The following PPP2R5E variants were observed in gnomAD, a reference collection of about 807,000 sequenced individuals.
PPP2R5E encodes serine/threonine-protein phosphatase 2A 56 kDa regulatory subunit epsilon isoform.
In PPP2R5E, 4 loss-of-function variants were observed where a neutral mutation model predicts 65.3. The ratio of observed to expected loss-of-function variants is 0.06; its 90% CI spans 0.03 to 0.14. The LOEUF is 0.14. Ranked by LOEUF, PPP2R5E falls within the 10% of genes least tolerant of loss-of-function variation. The pLI, the probability that PPP2R5E is intolerant of heterozygous loss-of-function variation, is 1.00. For missense variants in PPP2R5E, 274 were observed against 556.1 expected (o/e 0.49, Z 5.10); for synonymous variants, 183 against 187.4 (o/e 0.98, Z 0.19).
In PPP2R5E at chr14:63,391,991, T is replaced by C; in HGVS notation, c.884A>G (p.Asp295Gly). Reference sequence around the variant, plus strand: ...ACTTACTGGTTCTGTGAGTGAAGGATCTTTCTCCAGAAACTGTACTATACA... The same window carrying C: ...ACTTACTGGTTCTGTGAGTGAAGGACCTTTCTCCAGAAACTGTACTATACA... Reference protein sequence around the residue: ...AYCIVQFLEKDPSLTEPVIRG... With the variant: ...AYCIVQFLEKGPSLTEPVIRG... Residue 295 changes from aspartate to glycine, a missense_variant, in exon 9 of 14, where the codon GAT becomes GGT. Asp to Gly is a moderately conservative substitution (Grantham distance 94). Transcript: ENST00000337537. The C allele has an allele frequency of 1.2e-6, 2 of 1,611,014 alleles. No individual in the cohort carries two copies. Among genetic ancestry groups the C allele is most frequent in the Non-Finnish European group, 1.7e-6 (2 of 1,179,062 alleles).
chr14:63,439,887 G>A (rs141008736), intron 3 of PPP2R5E, among the ~76,000 whole-genome samples: 137 of 152,304 alleles, frequency 9.0e-4, no homozygotes, highest in Middle Eastern at 3.4e-3. Context: ...CCTGCAGGGA[G>A]AGAAGGCACA....
At chr14:63,377,080 C>T (rs1038413261) in intron 13 of PPP2R5E, among the ~76,000 whole-genome samples, 3 of 147,014 alleles carry the variant, frequency 2.0e-5, no homozygotes, top group African/African-American at 5.1e-5. Flanking sequence ...TTGTGGTGGA[C>T]GGAGATTGCA....
chr14:63,521,557 G>A (rs986586573), intron 2 of PPP2R5E, among the ~76,000 whole-genome samples: 18 of 152,138 alleles, frequency 1.2e-4, no homozygotes, highest in Non-Finnish European at 2.6e-4. Flanking sequence ...ATCCCACTCA[G>A]GAGGCTGAGG....
chr14:63,393,360 A>G (rs919535929), intron 8 of PPP2R5E, among the ~76,000 whole-genome samples: 1 of 152,188 alleles, frequency 6.6e-6, no homozygotes, highest in African/African-American at 2.4e-5. Flanking sequence ...AAAAATGCAT[A>G]CATTTTTATT....
intron 2 of PPP2R5E, among the ~76,000 whole-genome samples, chr14:63,525,046 T>C (rs1893125733): frequency 6.6e-6 from 1 of 152,252 alleles, no homozygotes; most frequent in African/African-American, 2.4e-5. Flanking sequence ...TGGCTCTCTC[T>C]GCACGAGTGG....
At chr14:63,395,346 A>G in intron 6 of PPP2R5E, 61 bp from the exon 7 acceptor site, 1 of 1,149,160 alleles carries the variant, frequency 8.7e-7, no homozygotes. Flanking sequence ...GGAAGGGATA[A>G]AAAGAGGAGG....
chr14:63,530,385 A>G lies in PPP2R5E; in HGVS notation c.157+9144T>C, dbSNP rs867868633. On this transcript the variant is annotated intron_variant, in intron 2 of 13. Transcript: ENST00000337537. ...GTAGCTGGGACTACAGGCGCGTGCC[A>G]CCATGCCTGGCTAATTTTTGTATTT... is the stretch of plus-strand genomic sequence containing the variant. Among the ~76,000 whole-genome samples, 42 of 151,828 alleles carry G rather than the reference A, an allele frequency of 2.8e-4. 1 individual carries two copies. Among genetic ancestry groups the G allele is most frequent in the African/African-American group, 9.9e-4 (41 of 41,402 alleles).
chr14:63,528,417 A>C (rs1893270282), intron 2 of PPP2R5E, among the ~76,000 whole-genome samples: 5 of 152,216 alleles, frequency 3.3e-5, no homozygotes, highest in Admixed American at 3.3e-4. Context: ...TTAACGTCTT[A>C]ACTTTTGTGA....
At chr14:63,422,897 CA>C (rs1449579635) in intron 3 of PPP2R5E, among the ~76,000 whole-genome samples, 2 of 152,072 alleles carry the variant, frequency 1.3e-5, no homozygotes, top group Non-Finnish European at 2.9e-5. Flanking sequence ...AGTTGGTTTA[CA>C]AAATAGTAAT....
At chr14:63,532,629 T>C (rs1356217005) in intron 2 of PPP2R5E, among the ~76,000 whole-genome samples, 1 of 152,230 alleles carries the variant, frequency 6.6e-6, no homozygotes, top group Non-Finnish European at 1.5e-5. Context: ...TAGTATTTAC[T>C]GAATGTGGCA....
chr14:63,515,612 C>T (rs1417684451), intron 2 of PPP2R5E, among the ~76,000 whole-genome samples: 1 of 152,086 alleles, frequency 6.6e-6, no homozygotes, highest in Non-Finnish European at 1.5e-5. Context: ...CCTCCGCCTC[C>T]CGGATTCAAA....
rs560657696 is a variant in PPP2R5E, at chr14:63,460,732, C to CCT, written c.158-6848_158-6847insAG. On this transcript the variant is annotated intron_variant, in intron 2 of 13. Coordinates refer to ENST00000337537, the MANE Select transcript of PPP2R5E (RefSeq NM_006246.5). ...CCAGTTTCCCTTTCCCAAAAGCTAA[C>CCT]AATATGCTCTCCAATTTACAAATAA... 1.6e-3 allele frequency among the ~76,000 whole-genome samples: 242 copies of CCT among 152,232 alleles called. 9 individuals are homozygous for CCT. In the South Asian group the frequency reaches 0.049, roughly 31 times the overall value.
chr14:63,487,707 C>T (rs1388166080), intron 2 of PPP2R5E, among the ~76,000 whole-genome samples: 1 of 152,168 alleles, frequency 6.6e-6, no homozygotes, highest in East Asian at 1.9e-4. Context: ...TAATCTCAAT[C>T]GTGTATGCTC....
At chr14:63,540,130 TAAAA>T (rs749576391) in intron 1 of PPP2R5E, among the ~76,000 whole-genome samples, 1 of 117,100 alleles carries the variant, frequency 8.5e-6, no homozygotes. Flanking sequence ...TTCCGTCCTT[TAAAA>T]AAAAAAAAAA....
intron 2 of PPP2R5E, among the ~76,000 whole-genome samples, chr14:63,523,083 G>A (rs1416547947): frequency 6.7e-6 from 1 of 149,434 alleles, no homozygotes; most frequent in African/African-American, 2.5e-5. Context: ...CGGGAGGGAG[G>A]TGGGGGGGTC....
chr14:63,386,875 G>A (rs1311150492), intron 11 of PPP2R5E, among the ~76,000 whole-genome samples: 1 of 150,328 alleles, frequency 6.7e-6, no homozygotes, highest in East Asian at 2.0e-4. Context: ...AGTGAACTGT[G>A]ACTGTACCAC....
chr14:63,435,374 A>G (rs1251671217), intron 3 of PPP2R5E, among the ~76,000 whole-genome samples: 13 of 151,588 alleles, frequency 8.6e-5, no homozygotes, highest in African/African-American at 7.3e-5. Context: ...AAGGGTGGAG[A>G]AAAAAAACGG....
intron 3 of PPP2R5E, chr14:63,453,090 C>T (rs1888932988): frequency 6.6e-6 from 1 of 152,190 alleles, no homozygotes; most frequent in Non-Finnish European, 1.5e-5. Context: ...ATTGTTCACA[C>T]AGTAAGAATG....
chr14:63,393,776 CTTT>C, intron 8 of PPP2R5E, 41 bp downstream of exon 8: 1 of 1,370,274 alleles, frequency 7.3e-7, no homozygotes, highest in Non-Finnish European at 1.0e-6. Context: ...AGTTTGCAAA[CTTT>C]TTATTTTGCT....
Sources: gnomAD v4.1 joint callset for allele counts (sites outside exome capture counted in the v4.1 genomes callset) on GRCh38, gnomAD v4.1.1 for gene constraint, MANE v1.5 for transcripts, NCBI Gene and HGNC (gene_info 2026-07-23, HGNC 2026-07-21) for gene names.